The following ARHGEF9 variants were observed in gnomAD, a reference collection of about 807,000 sequenced individuals.
ARHGEF9 encodes the protein rho guanine nucleotide exchange factor 9.
Under a neutral mutation model 41.3 loss-of-function variants are expected in ARHGEF9, and 2 were observed. The ratio of observed to expected loss-of-function variants is 0.05; its 90% CI spans 0.02 to 0.15. The LOEUF is 0.15. Among genes scored for constraint, ARHGEF9 ranks in the 10% least tolerant of loss-of-function variants. The pLI is 1.00. For missense variants in ARHGEF9, 225 were observed against 424.7 expected, an observed-to-expected ratio of 0.53 and a Z score of 4.13; for synonymous variants, 160 against 154.4, an observed-to-expected ratio of 1.04 and a Z score of -0.27.
chrX:63,695,235 G>A lies in ARHGEF9; in HGVS notation c.582+1890C>T, dbSNP rs782589967. On this transcript the variant is annotated intron_variant, in intron 4 of 9. Transcript: ENST00000671741. The stretch of plus-strand genomic sequence containing the variant: ...TCCTACAATGTACAGGGCAGCCCCC[G>A]GTTGAGAACCACTATTCTATATTCT... Among the ~76,000 whole-genome samples, 126 of 111,623 alleles carry A rather than the reference G, an allele frequency of 1.1e-3. 1 individual carries two copies. The highest frequency in any genetic ancestry group is 4.0e-3 in the African/African-American group (123 of 30,766).
intron 1 of ARHGEF9, among the ~76,000 whole-genome samples, chrX:63,772,712 C>T (rs1490359133): frequency 9.0e-6 from 1 of 111,143 alleles, no homozygotes; most frequent in African/African-American, 3.3e-5. Flanking sequence ...ATAGCCAATG[C>T]ATACTTTCCT....
At chrX:63,719,996 A>G (rs1556412632) in intron 2 of ARHGEF9, 1 of 251,132 alleles carries the variant, frequency 4.0e-6, no homozygotes. Context: ...ATAAGGATTC[A>G]TAAGGGCCAC....
chrX:63,636,821 C>A lies in ARHGEF9; in HGVS notation c.*1207G>T. ...GTAAAAGGTTACTATCAGACTTGGA[C>A]CCTGTCCAGGTCAATAATTTGAAGG... is the stretch of plus-strand genomic sequence containing the variant. On this transcript the variant is annotated 3_prime_UTR_variant, in exon 10 of 10. Coordinates refer to ENST00000671741, the MANE Select transcript of ARHGEF9 (RefSeq NM_001353921.2). The A allele has an allele frequency of 3.4e-6, 1 of 297,281 alleles. No homozygotes were observed. Among genetic ancestry groups the A allele is most frequent in the East Asian group, 4.8e-5 (1 of 21,051 alleles). 24.5% of individuals were successfully genotyped at this position (297,281 alleles called of 1,213,427 possible).
At position 63,784,423 on chromosome X, in the gene ARHGEF9, T is replaced by C. The variant is rs149853841; in HGVS notation, c.30+693A>G. Among the ~76,000 whole-genome samples the C allele has an allele frequency of 8.2e-3, 925 of 112,452 alleles. 13 individuals carry two copies. Among genetic ancestry groups the C allele is most frequent in the African/African-American group, 0.028 (871 of 30,973 alleles). ...AACACACACACAAGCACACACTCCTTGGGAGGGAGAGAAGAGCTCTGTTAA... is the reference window on the plus strand; with the variant it reads ...AACACACACACAAGCACACACTCCTCGGGAGGGAGAGAAGAGCTCTGTTAA... On this transcript the variant is annotated intron_variant, in intron 1 of 9. Coordinates refer to ENST00000671741, the MANE Select transcript of ARHGEF9 (RefSeq NM_001353921.2).
At chrX:63,735,623 A>G (rs138818932) in intron 1 of ARHGEF9, among the ~76,000 whole-genome samples, 2 of 111,752 alleles carry the variant, frequency 1.8e-5, no homozygotes, top group African/African-American at 6.5e-5. Flanking sequence ...AGTGACAAGA[A>G]CAGAAACAAC....
At chrX:63,689,857 A>G (rs1307060463) in intron 4 of ARHGEF9, among the ~76,000 whole-genome samples, 1 of 112,236 alleles carries the variant, frequency 8.9e-6, no homozygotes, top group Non-Finnish European at 1.9e-5. Context: ...AAGAAACTGT[A>G]CAAATACACC....
Position 63,764,965 on chromosome X carries a change from A to G in ARHGEF9, c.30+20151T>C, listed in dbSNP as rs1377622111. 5.4e-5 allele frequency among the ~76,000 whole-genome samples: 6 copies of G among 111,796 alleles called. No homozygotes were observed. In the East Asian group the frequency reaches 1.4e-3, roughly 26 times the overall value. On this transcript the variant is annotated intron_variant, in intron 1 of 9. Transcript: ENST00000671741. ...TCCTGCACGTGTACCCTGGAATTTAAAAGTTGAAGAAAAATAAAACAACAC... is the reference window on the plus strand; with the variant it reads ...TCCTGCACGTGTACCCTGGAATTTAGAAGTTGAAGAAAAATAAAACAACAC...
At chrX:63,722,920 T>C (rs2053723634) in intron 2 of ARHGEF9, 1 of 111,690 alleles carries the variant, frequency 9.0e-6, no homozygotes, top group African/African-American at 3.3e-5. Flanking sequence ...AAAGATTGGA[T>C]ATTTCATTAG....
At chrX:63,675,582 T>C (rs1427662316) in intron 5 of ARHGEF9, among the ~76,000 whole-genome samples, 1 of 111,934 alleles carries the variant, frequency 8.9e-6, no homozygotes, top group Non-Finnish European at 1.9e-5. Flanking sequence ...AATACAATCA[T>C]CCATGTAAAC....
intron 4 of ARHGEF9, among the ~76,000 whole-genome samples, chrX:63,679,349 TA>T (rs1320731096): frequency 9.0e-6 from 1 of 111,200 alleles, no homozygotes; most frequent in African/African-American, 3.3e-5. Flanking sequence ...AGTAAAGTTT[TA>T]AAAAAACTCT....
chrX:63,700,188 T>C (rs1556393885), intron 3 of ARHGEF9, among the ~76,000 whole-genome samples: 2 of 111,844 alleles, frequency 1.8e-5, no homozygotes, highest in Non-Finnish European at 3.8e-5. Context: ...AGATTACAAA[T>C]AATAGATGTA....
At chrX:63,713,841 A>G (rs2053119622) in intron 2 of ARHGEF9, among the ~76,000 whole-genome samples, 1 of 110,919 alleles carries the variant, frequency 9.0e-6, no homozygotes, top group Non-Finnish European at 1.9e-5. Flanking sequence ...CACAAAGACA[A>G]TCAGCACGGT....
intron 1 of ARHGEF9, among the ~76,000 whole-genome samples, chrX:63,732,822 T>A (rs1485581219): frequency 8.9e-6 from 1 of 111,772 alleles, no homozygotes; most frequent in Non-Finnish European, 1.9e-5. Context: ...AAAATAATGA[T>A]CAATCCTACT....
intron 1 of ARHGEF9, among the ~76,000 whole-genome samples, chrX:63,766,148 G>GGTCTGTTTTGTAAACC (rs2056110157): frequency 8.9e-6 from 1 of 111,826 alleles, no homozygotes; most frequent in Admixed American, 9.5e-5. Flanking sequence ...ACAGAATTTT[G>GGTCTGTTTTGTAAACC]GTCTGTTTTG....
In ARHGEF9 at chrX:63,638,214, A is replaced by G. The variant is rs1181371428; in HGVS notation, c.1391-5T>C. ...CTGAGCGGGCAGAGTTGACACCTAG[A>G]GTAGATGAGAGATCAAAGGGAAAGG... is the stretch of plus-strand genomic sequence containing the variant. On this transcript the variant is annotated splice_polypyrimidine_tract_variant and splice_region_variant and intron_variant, in intron 9 of 9. Transcript: ENST00000671741. The G allele has an allele frequency of 8.5e-7, 1 of 1,171,179 alleles. No homozygotes were observed. Among genetic ancestry groups the G allele is most frequent in the Non-Finnish European group, 1.1e-6 (1 of 874,179 alleles).
Position 63,693,687 on chromosome X carries a change from AAAACT to A in ARHGEF9, c.582+3433_582+3437del, listed in dbSNP as rs370047841. On this transcript the variant is annotated intron_variant, in intron 4 of 9. Coordinates refer to ENST00000671741, the MANE Select transcript of ARHGEF9 (RefSeq NM_001353921.2). ...ATTAATTTTTAATAAAAGAACTCTC[AAAACT>A]AAACAATAAAAAAACAAACAATACA... Among the ~76,000 whole-genome samples the A allele has an allele frequency of 9.3e-4, 102 of 109,887 alleles. 2 individuals carry two copies. In the South Asian group the frequency reaches 0.04, roughly 43 times the overall value.
intron 4 of ARHGEF9, among the ~76,000 whole-genome samples, chrX:63,682,454 G>A (rs1280024541): frequency 9.1e-6 from 1 of 109,753 alleles, no homozygotes; most frequent in Non-Finnish European, 1.9e-5. Flanking sequence ...GGTGGAGCTT[G>A]CAGTGAGCCG....
intron 3 of ARHGEF9, among the ~76,000 whole-genome samples, chrX:63,699,320 TGA>T (rs782729258): frequency 9.0e-6 from 1 of 111,658 alleles, no homozygotes; most frequent in African/African-American, 3.2e-5. Flanking sequence ...GTGACCACAA[TGA>T]GAGACAGAAG....
chrX:63,672,180 A>G (rs2050000211), intron 6 of ARHGEF9, among the ~76,000 whole-genome samples: 1 of 110,935 alleles, frequency 9.0e-6, no homozygotes, highest in Non-Finnish European at 1.9e-5. Context: ...TACAATGAGA[A>G]GACAACAGTC....
Sources: gnomAD v4.1 joint callset for allele counts (sites outside exome capture counted in the v4.1 genomes callset) on GRCh38, gnomAD v4.1.1 for gene constraint, MANE v1.5 for transcripts, NCBI Gene and HGNC (gene_info 2026-07-23, HGNC 2026-07-21) for gene names.